The following HNRNPAB variants were observed in gnomAD, a reference collection of about 807,000 sequenced individuals.
The protein encoded by HNRNPAB is heterogeneous nuclear ribonucleoprotein A/B.
In HNRNPAB, 17 loss-of-function variants were observed where a neutral mutation model predicts 44.1. That is an observed-to-expected ratio of 0.39 (90% CI 0.26 to 0.58). The LOEUF (loss-of-function observed/expected upper bound fraction) is 0.58, where lower values mean the gene tolerates loss of function less well. Ranked by LOEUF, HNRNPAB falls within the 20% of genes least tolerant of loss-of-function variation. HNRNPAB has a pLI of 0.63. For synonymous variants in HNRNPAB, 183 were observed against 167.6 expected, an observed-to-expected ratio of 1.09 and a Z score of -0.71; for missense variants, 393 against 432.7, an observed-to-expected ratio of 0.91 and a Z score of 0.81.
chr5:178,209,264 G>C (rs1055060682), intron 5 of HNRNPAB, 66 bp from the exon 6 acceptor site: 7 of 1,200,122 alleles, frequency 5.8e-6, no homozygotes, highest in Middle Eastern at 1.9e-4. Context: ...TCGCAGTGAA[G>C]GTGTTTGGGC....
At chr5:178,206,914 C>T (rs757516570) in intron 4 of HNRNPAB, 24 bp downstream of exon 4, 8 of 1,612,720 alleles carry the variant, frequency 5.0e-6, no homozygotes, top group Non-Finnish European at 6.8e-6. Context: ...TGGGAATAGC[C>T]CATCAGCTGC....
At chr5:178,208,707 C>G (rs1037066908) in intron 5 of HNRNPAB, 4 of 152,494 alleles carry the variant, frequency 2.6e-5, no homozygotes, top group African/African-American at 9.6e-5. Context: ...CCATTCCACC[C>G]CCAGTGGACA....
intron 3 of HNRNPAB, 74 bp from the exon 4 acceptor site, chr5:178,206,658 C>T: frequency 1.4e-6 from 2 of 1,457,880 alleles, no homozygotes; most frequent in Non-Finnish European, 1.9e-6. Flanking sequence ...GTACTGGTGT[C>T]TTTATGGCTT....
Position 178,204,738 on chromosome 5 carries a change from G to T in HNRNPAB, c.-26G>T, listed in dbSNP as rs1756975841. On this transcript the variant is annotated splice_region_variant and 5_prime_UTR_variant, in exon 1 of 8. Coordinates refer to ENST00000358344, the MANE Select transcript of HNRNPAB (RefSeq NM_031266.3). Reference sequence around the variant, plus strand: ...CGGGCCCCGCGGCGTCATCGGCGGCGAGGTGAGCGGCGGCCGGCGGGCGGG... The same window carrying T: ...CGGGCCCCGCGGCGTCATCGGCGGCTAGGTGAGCGGCGGCCGGCGGGCGGG... The T allele has an allele frequency of 7.2e-6, 5 of 692,374 alleles. No individual in the cohort carries two copies. The highest frequency in any genetic ancestry group is 9.8e-6 in the Non-Finnish European group (5 of 510,826). 42.9% of individuals were successfully genotyped at this position (692,374 alleles called of 1,614,324 possible).
Position 178,204,879 on chromosome 5 carries a change from C to A in HNRNPAB, c.42C>A (p.Gly14=). The A allele has an allele frequency of 8.6e-7, 1 of 1,163,550 alleles. No individual in the cohort carries two copies. Among genetic ancestry groups the A allele is most frequent in the Middle Eastern group, 3.3e-4 (1 of 3,014 alleles). The allele number at this position is 1,163,550 out of a possible 1,614,324, so 72.1% of individuals were successfully genotyped here. A position where few individuals can be genotyped will look rare whatever the true frequency, so the allele number is the denominator to read the frequency against. ...AGEEQPMETT[G]ATENGHEAVP... Reference sequence around the variant, plus strand: ...AGGAGCAGCCCATGGAGACGACGGGCGCCACCGAGAACGGACATGAGGCCG... The same window carrying A: ...AGGAGCAGCCCATGGAGACGACGGGAGCCACCGAGAACGGACATGAGGCCG... The change falls in exon 2 of 8, where the codon GGC becomes GGA. Residue 14 remains glycine, a synonymous_variant. Coordinates refer to ENST00000358344, the MANE Select transcript of HNRNPAB (RefSeq NM_031266.3).
intron 2 of HNRNPAB, 73 bp downstream of exon 2, chr5:178,205,119 G>C (rs148368346): frequency 1.8e-6 from 2 of 1,099,706 alleles, no homozygotes; most frequent in African/African-American, 1.6e-5. Flanking sequence ...CCACGCGGCG[G>C]GGGGAGGGGC....
intron 2 of HNRNPAB, 108 bp downstream of exon 2, chr5:178,205,154 G>T: frequency 1.3e-6 from 1 of 786,974 alleles, no homozygotes; most frequent in African/African-American, 1.8e-5. Flanking sequence ...GGTCGGGGCT[G>T]GTGCGGCCCG....
In HNRNPAB at chr5:178,209,429, G is replaced by C. The variant is rs1757477067; in HGVS notation, c.769G>C (p.Gly257Arg). ...CAACCGAGGGAACCGAGGCAGCGGA[G>C]GTGGTGGTGGAGGTGGAGGTGAGTG... ...NRNRGNRGSG[G>R]GGGGGGQSQS... The change falls in exon 6 of 8, where the codon GGT becomes CGT. Residue 257 changes from glycine (G) to arginine (R), a missense_variant. Coordinates refer to ENST00000358344, the MANE Select transcript of HNRNPAB (RefSeq NM_031266.3). 1.2e-6 allele frequency: 2 copies of C among 1,613,866 alleles called. No individual in the cohort carries two copies. Among genetic ancestry groups the C allele is most frequent in the Admixed American group, 1.7e-5 (1 of 59,988 alleles).
chr5:178,210,107 C>A, intron 6 of HNRNPAB, 25 bp from the exon 7 acceptor site: 3 of 1,612,496 alleles, frequency 1.9e-6, no homozygotes, highest in Non-Finnish European at 1.7e-6. Context: ...GGTCCACGGG[C>A]CCCTGTGCCC....
chr5:178,210,017 C>G, intron 6 of HNRNPAB, 115 bp from the exon 7 acceptor site: 2 of 1,454,270 alleles, frequency 1.4e-6, no homozygotes, highest in Admixed American at 2.2e-5. Flanking sequence ...AGCCCCTTGG[C>G]TTCTGCCTGA....
chr5:178,206,933 C>T (rs1169011071), intron 4 of HNRNPAB, 43 bp downstream of exon 4: 1 of 1,607,678 alleles, frequency 6.2e-7, no homozygotes, highest in East Asian at 2.2e-5. Context: ...GCCCCTAAGG[C>T]TGCCTTCTTT....
rs1187581755 is a variant in HNRNPAB, at chr5:178,205,041, C to A, written c.204C>A (p.Asp68Glu). ...TCAACGCCAGCAAGAACGAGGAGGA[C>A]GCGGGGTAGGTGCGGCCGCGGGCGG... ...DQINASKNEE[D>E]AGKMFVGGLS... Residue 68 changes from aspartate to glutamate, a missense_variant, in exon 2 of 8, where the codon GAC becomes GAA. This residue lies in a region of HNRNPAB where 102 missense variants were observed against 162.3 expected (regional missense o/e 0.63). Transcript: ENST00000358344. 1.7e-6 allele frequency: 2 copies of A among 1,206,416 alleles called. No homozygotes were observed. Among genetic ancestry groups the A allele is most frequent in the Non-Finnish European group, 2.1e-6 (2 of 971,622 alleles). The allele number at this position is 1,206,416 out of a possible 1,614,324, so 74.7% of individuals were successfully genotyped here.
chr5:178,207,691 CTTTTTTTTTTTT>C lies in HNRNPAB; in HGVS notation c.669+479_669+490del, dbSNP rs34424574. ...TGTCCACTTCCATCCACTTTGAGCACTTTTTTTTTTTTTTTTTTTTTTTTGCTTTGAGACAGA... is the reference window on the plus strand; with the variant it reads ...TGTCCACTTCCATCCACTTTGAGCACTTTTTTTTTTTTGCTTTGAGACAGA... On this transcript the variant is annotated intron_variant, in intron 5 of 7. Coordinates refer to ENST00000358344, the MANE Select transcript of HNRNPAB (RefSeq NM_031266.3). Among the ~76,000 whole-genome samples, 118 of 78,784 alleles carry C rather than the reference CTTTTTTTTTTTT, an allele frequency of 1.5e-3. 1 individual carries two copies. The highest frequency in any genetic ancestry group is 4.2e-3 in the Admixed American group (24 of 5,766). 51.7% of individuals were successfully genotyped at this position (78,784 alleles called of 152,430 possible).
At position 178,207,078 on chromosome 5, in the gene HNRNPAB, C is replaced by T. The variant is rs760376853; in HGVS notation, c.538-16C>T. ...TAGGGAGGTATTGGGCCTGAGTTTG[C>T]CTATGCTTTTTGCAGATTGAGGCCA... On this transcript the variant is annotated splice_polypyrimidine_tract_variant and intron_variant, in intron 4 of 7. Transcript: ENST00000358344. 2 of 1,613,728 alleles carry T rather than the reference C, an allele frequency of 1.2e-6. No individual in the cohort carries two copies. Among genetic ancestry groups the T allele is most frequent in the Non-Finnish European group, 1.7e-6 (2 of 1,179,830 alleles).
At chr5:178,209,948 C>G (rs1475589695) in intron 6 of HNRNPAB, among the ~76,000 whole-genome samples, 184 bp from the exon 7 acceptor site, 2 of 151,148 alleles carry the variant, frequency 1.3e-5, no homozygotes, top group Non-Finnish European at 2.9e-5. Context: ...GTCTCTGATC[C>G]TCTGCTTGGG....
At chr5:178,206,622 AG>A in intron 3 of HNRNPAB, 109 bp from the exon 4 acceptor site, 2 of 1,062,582 alleles carry the variant, frequency 1.9e-6, no homozygotes, top group African/African-American at 1.6e-5. Flanking sequence ...TAGAATTTGG[AG>A]GGGGTGAAAC....
intron 7 of HNRNPAB, 26 bp downstream of exon 7, chr5:178,210,298 T>A (rs1757824994): frequency 6.2e-7 from 1 of 1,613,860 alleles, no homozygotes; most frequent in East Asian, 2.2e-5. Flanking sequence ...GGAGGCCCCA[T>A]CCGCTCACCC....
Position 178,210,608 on chromosome 5 carries a change from C to G in HNRNPAB, c.984C>G (p.Asn328Lys). 1 of 1,613,978 alleles carries G rather than the reference C, an allele frequency of 6.2e-7. No individual in the cohort carries two copies. The highest frequency in any genetic ancestry group is 1.1e-5 in the South Asian group (1 of 91,084). Residue 328 changes from asparagine (N) to lysine (K), a missense_variant, in exon 8 of 8, where the codon AAC becomes AAG. Transcript: ENST00000358344. The stretch of plus-strand genomic sequence containing the variant: ...AGCGACGTGGTGGCCATCAGAATAA[C>G]TACAAGCCATACTGAGGCGGCAGCA... ...KSQRRGGHQN[N>K]YKPY
rs758543065 is a variant in HNRNPAB at position 178,210,160 on chromosome 5, C to T, written c.816C>T (p.Tyr272=). Residue 272 remains tyrosine (Y), a synonymous_variant, in exon 7 of 8, where the codon TAC becomes TAT. Coordinates refer to ENST00000358344, the MANE Select transcript of HNRNPAB (RefSeq NM_031266.3). ...AGAGTCAGAGTTGGAATCAGGGCTA[C>T]GGCAACTACTGGAACCAGGGCTACG... ...GGQSQSWNQG[Y]GNYWNQGYGY... The T allele has an allele frequency of 1.1e-5, 17 of 1,613,884 alleles. No individual in the cohort carries two copies. Among genetic ancestry groups the T allele is most frequent in the Non-Finnish European group, 1.4e-5 (16 of 1,179,882 alleles).
Sources: allele counts gnomAD v4.1 joint callset (sites outside exome capture counted in the v4.1 genomes callset), GRCh38; gene constraint gnomAD v4.1.1; regional missense constraint gnomAD v4.1.1; transcripts MANE v1.5; gene names NCBI Gene and HGNC (gene_info 2026-07-23, HGNC 2026-07-21).